Variants in RIMS2 observed in about 807,000 individuals in gnomAD.
The protein encoded by RIMS2 is regulating synaptic membrane exocytosis 2.
RIMS2 carries 59 observed loss-of-function variants against 174.4 expected under a neutral mutation model. The observed-to-expected ratio is 0.34, with a 90% confidence interval of 0.27 to 0.42. The LOEUF is 0.42. RIMS2 is among the 10% of genes least tolerant of loss of function. The pLI, the probability that RIMS2 is intolerant of heterozygous loss-of-function variation, is 1.00. For missense variants in RIMS2, 1,620 were observed against 1,666.3 expected (o/e 0.97, Z 0.48); for synonymous variants, 606 against 572.5 (o/e 1.06, Z -0.84).
chr8:103,905,874 C>T (rs2074300721), intron 4 of RIMS2, among the ~76,000 whole-genome samples: 1 of 149,964 alleles, frequency 6.7e-6, no homozygotes. Context: ...CCTCTGTCCT[C>T]TCCATTCTGT....
chr8:104,200,917 A>T (rs1470378084), intron 19 of RIMS2, among the ~76,000 whole-genome samples: 3 of 152,142 alleles, frequency 2.0e-5, no homozygotes, highest in Non-Finnish European at 4.4e-5. Context: ...TGTCTCAAAA[A>T]CAACATCAAC....
intron 4 of RIMS2, among the ~76,000 whole-genome samples, chr8:103,889,562 G>T (rs770963100): frequency 2.6e-5 from 4 of 151,536 alleles, no homozygotes; most frequent in Non-Finnish European, 5.9e-5. Flanking sequence ...CTTCTACTAC[G>T]TAGCAGAATC....
intron 1 of RIMS2, among the ~76,000 whole-genome samples, chr8:103,582,605 C>G (rs1190846752): frequency 6.6e-6 from 1 of 152,150 alleles, no homozygotes; most frequent in East Asian, 1.9e-4. Context: ...AATAAGCTGA[C>G]TTAAGAAACC....
chr8:103,891,883 G>T (rs555071384), intron 4 of RIMS2, among the ~76,000 whole-genome samples: 1 of 151,842 alleles, frequency 6.6e-6, no homozygotes, highest in Non-Finnish European at 1.5e-5. Context: ...AGATAGAAGC[G>T]TTATCCTTTA....
chr8:103,713,552 A>G (rs1472047211), intron 2 of RIMS2, among the ~76,000 whole-genome samples: 1 of 152,012 alleles, frequency 6.6e-6, no homozygotes, highest in Non-Finnish European at 1.5e-5. Context: ...TGATTTTATC[A>G]TTTCCTGTCT....
At chr8:103,907,969 C>T (rs1234408772) in intron 4 of RIMS2, among the ~76,000 whole-genome samples, 2 of 151,528 alleles carry the variant, frequency 1.3e-5, no homozygotes, top group African/African-American at 2.4e-5. Context: ...AGGATGGTCT[C>T]GATCTCCTGA....
intron 19 of RIMS2, among the ~76,000 whole-genome samples, chr8:104,220,304 G>A (rs1374128405): frequency 2.0e-5 from 3 of 152,064 alleles, no homozygotes; most frequent in Admixed American, 2.0e-4. Flanking sequence ...AAGCTTCCCA[G>A]GACAACCTTG....
At chr8:103,636,681 T>C (rs1477669007) in intron 1 of RIMS2, among the ~76,000 whole-genome samples, 1 of 152,034 alleles carries the variant, frequency 6.6e-6, no homozygotes, top group Admixed American at 6.6e-5. Flanking sequence ...AAGGTGTTGC[T>C]ATTTATTTGG....
intron 19 of RIMS2, among the ~76,000 whole-genome samples, chr8:104,079,675 T>G (rs2097373665): frequency 1.6e-5 from 2 of 122,440 alleles, no homozygotes; most frequent in Non-Finnish European, 3.4e-5. Flanking sequence ...AACAGATAGG[T>G]GAAAACATAT....
At chr8:103,695,148 A>G (rs2097083944) in intron 1 of RIMS2, among the ~76,000 whole-genome samples, 1 of 152,142 alleles carries the variant, frequency 6.6e-6, no homozygotes, top group South Asian at 2.1e-4. Flanking sequence ...TGAACAGGAA[A>G]TGTTAAACTG....
intron 1 of RIMS2, among the ~76,000 whole-genome samples, chr8:103,599,195 C>T (rs1232543403): frequency 6.6e-6 from 1 of 151,734 alleles, no homozygotes; most frequent in African/African-American, 2.4e-5. Context: ...GACCTTTCAT[C>T]TGTATTTGGA....
intron 1 of RIMS2, among the ~76,000 whole-genome samples, chr8:103,504,522 C>T (rs1169067659): frequency 2.6e-5 from 4 of 152,048 alleles, no homozygotes; most frequent in Non-Finnish European, 4.4e-5. Context: ...TCAGTAAATA[C>T]TGAGTTTCTA....
chr8:104,013,834 A>G (rs2095831038), intron 18 of RIMS2, among the ~76,000 whole-genome samples: 1 of 152,092 alleles, frequency 6.6e-6, no homozygotes. Flanking sequence ...TCCTGACTGC[A>G]TTTGTTTTGT....
chr8:104,018,442 G>A (rs1267016536), intron 19 of RIMS2, among the ~76,000 whole-genome samples: 2 of 152,132 alleles, frequency 1.3e-5, no homozygotes, highest in South Asian at 2.1e-4. Flanking sequence ...TAATGAATGG[G>A]TATTACTTAA....
intron 2 of RIMS2, among the ~76,000 whole-genome samples, chr8:103,756,791 G>A (rs1445637231): frequency 6.6e-6 from 1 of 152,062 alleles, no homozygotes; most frequent in African/African-American, 2.4e-5. Flanking sequence ...GTTATAGGTG[G>A]TGTATAGAAA....
rs750691631 is a variant in RIMS2, at chr8:103,689,199, A to C, written c.177-7887A>C. On this transcript the variant is annotated intron_variant, in intron 1 of 23. Transcript: ENST00000504942. ...TATTATTGATTTCTAGTTTTATTTCATTGTGGTCAGAGAAGATACTTGATA... is the reference window on the plus strand; with the variant it reads ...TATTATTGATTTCTAGTTTTATTTCCTTGTGGTCAGAGAAGATACTTGATA... Among the ~76,000 whole-genome samples, 22 of 151,816 alleles carry C rather than the reference A, an allele frequency of 1.4e-4. No individual in the cohort carries two copies. The South Asian group carries it at 1.7e-3, about 12-fold the overall frequency.
At chr8:104,018,240 G>T (rs1003692894) in intron 19 of RIMS2, among the ~76,000 whole-genome samples, 18 of 152,196 alleles carry the variant, frequency 1.2e-4, no homozygotes, top group African/African-American at 3.9e-4. Context: ...ATGTGGAAGA[G>T]CAGGGGGAAG....
chr8:103,548,587 CATTT>C (rs1846158025), intron 1 of RIMS2, among the ~76,000 whole-genome samples: 1 of 152,128 alleles, frequency 6.6e-6, no homozygotes, highest in Admixed American at 6.5e-5. Context: ...AAGCTGGAAA[CATTT>C]ATCTTGAGAA....
chr8:103,672,850 A>G (rs944948105), intron 1 of RIMS2, among the ~76,000 whole-genome samples: 6 of 152,136 alleles, frequency 3.9e-5, no homozygotes, highest in East Asian at 1.9e-4. Flanking sequence ...AACTTGTTCT[A>G]TTGTTTAAAG....
Sources: gnomAD v4.1 joint callset for allele counts (sites outside exome capture counted in the v4.1 genomes callset) on GRCh38, gnomAD v4.1.1 for gene constraint, MANE v1.5 for transcripts, NCBI Gene and HGNC (gene_info 2026-07-23, HGNC 2026-07-21) for gene names.